Variants in CDH8 observed in about 807,000 individuals in gnomAD.
CDH8 encodes cadherin 8.
CDH8 carries 17 observed loss-of-function variants against 68.1 expected under a neutral mutation model. That is an observed-to-expected ratio of 0.25 (90% CI 0.17 to 0.37). CDH8 has a LOEUF of 0.37. Among genes scored for constraint, CDH8 ranks in the 10% least tolerant of loss-of-function variants. The pLI, the probability that CDH8 is intolerant of heterozygous loss-of-function variation, is 1.00. For missense variants in CDH8, 763 were observed against 999.3 expected (o/e 0.76, Z 3.19); for synonymous variants, 372 against 365.1 (o/e 1.02, Z -0.21).
Position 61,702,385 on chromosome 16 carries a change from A to AAAAAAAG in CDH8, c.1654+11449_1654+11455dup, listed in dbSNP as rs538933369. Among the ~76,000 whole-genome samples the AAAAAAAG allele has an allele frequency of 7.4e-3, 1,121 of 152,030 alleles. 14 individuals carry two copies. The highest frequency in any genetic ancestry group is 0.026 in the African/African-American group (1,071 of 41,438). Reference sequence around the variant, plus strand: ...AGACTCCGTCTCAAAAAAAGAAAAAAAAAAAAGAAAAAAGAAAAATAAGTC... The same window carrying AAAAAAAG: ...AGACTCCGTCTCAAAAAAAGAAAAAAAAAAAAGAAAAAAGAAAAAAGAAAAATAAGTC... On this transcript the variant is annotated intron_variant, in intron 10 of 11. Coordinates refer to ENST00000577390, the MANE Select transcript of CDH8 (RefSeq NM_001796.5).
At chr16:61,933,800 C>T (rs1328762598) in intron 2 of CDH8, among the ~76,000 whole-genome samples, 1 of 152,002 alleles carries the variant, frequency 6.6e-6, no homozygotes, top group Non-Finnish European at 1.5e-5. Context: ...AATTTAAGGT[C>T]TCATATGGTC....
At chr16:61,722,593 C>T (rs1323178489) in intron 9 of CDH8, among the ~76,000 whole-genome samples, 1 of 150,732 alleles carries the variant, frequency 6.6e-6, no homozygotes, top group Non-Finnish European at 1.5e-5. Context: ...GGTTAGCATG[C>T]ATACTGTGTG....
At chr16:61,896,804 G>T (rs2143232713) in intron 3 of CDH8, among the ~76,000 whole-genome samples, 1 of 152,222 alleles carries the variant, frequency 6.6e-6, no homozygotes, top group South Asian at 2.1e-4. Context: ...ACAACCAATT[G>T]TGGAACACTT....
At chr16:61,825,323 G>A in intron 4 of CDH8, 144 bp from the exon 5 acceptor site, 1 of 603,998 alleles carries the variant, frequency 1.7e-6, no homozygotes, top group East Asian at 3.0e-5. Context: ...ACATTTGATT[G>A]GTGTGTGCCT....
At chr16:61,657,922 T>C (rs913501289) in intron 10 of CDH8, among the ~76,000 whole-genome samples, 2 of 152,094 alleles carry the variant, frequency 1.3e-5, no homozygotes, top group African/African-American at 4.8e-5. Flanking sequence ...TTCATACTTC[T>C]ATAAATATTT....
chr16:61,733,870 T>G (rs1393172940), intron 8 of CDH8, among the ~76,000 whole-genome samples: 1 of 152,050 alleles, frequency 6.6e-6, no homozygotes, highest in Admixed American at 6.6e-5. Flanking sequence ...ACCACAGTGA[T>G]CCAGTAAATG....
At chr16:61,792,660 G>C (rs1400046504) in intron 7 of CDH8, among the ~76,000 whole-genome samples, 2 of 152,002 alleles carry the variant, frequency 1.3e-5, no homozygotes, top group African/African-American at 2.4e-5. Flanking sequence ...AGCGGAACCA[G>C]AATGAATACT....
chr16:61,913,324 G>A (rs887529400), intron 2 of CDH8, among the ~76,000 whole-genome samples: 2 of 152,138 alleles, frequency 1.3e-5, no homozygotes, highest in East Asian at 1.9e-4. Context: ...AATTTTGAGA[G>A]ATTACAGATT....
intron 8 of CDH8, among the ~76,000 whole-genome samples, chr16:61,782,218 G>C (rs1313967824): frequency 6.6e-6 from 1 of 152,166 alleles, no homozygotes; most frequent in Non-Finnish European, 1.5e-5. Context: ...GTGGGCGCAG[G>C]CCAGTGGGTG....
At chr16:61,729,796 T>C (rs1255984906) in intron 8 of CDH8, among the ~76,000 whole-genome samples, 1 of 151,380 alleles carries the variant, frequency 6.6e-6, no homozygotes, top group African/African-American at 2.4e-5. Context: ...CAGTGAATAA[T>C]AGGGGCACAG....
chr16:61,825,073 C>T lies in CDH8; in HGVS notation c.774G>A (p.Gly258=). ...TAAGAGTCACTGTAAGTGTCGTGGT[C>T]CCAGACAGGCCACCAGAGTGTCCAC... ...DMGGHSGGLS[G]TTTLTVTLTD... Residue 258 remains glycine, a synonymous_variant, in exon 5 of 12, where the codon GGG becomes GGA. Coordinates refer to ENST00000577390, the MANE Select transcript of CDH8 (RefSeq NM_001796.5). 2 of 1,612,012 alleles carry T rather than the reference C, an allele frequency of 1.2e-6. No homozygotes were observed. The highest frequency in any genetic ancestry group is 1.7e-6 in the Non-Finnish European group (2 of 1,178,740).
At chr16:61,838,347 C>T (rs1416069751) in intron 4 of CDH8, among the ~76,000 whole-genome samples, 1 of 152,078 alleles carries the variant, frequency 6.6e-6, no homozygotes, top group Non-Finnish European at 1.5e-5. Flanking sequence ...CATGTGAATG[C>T]ATGAATGAAC....
intron 3 of CDH8, among the ~76,000 whole-genome samples, chr16:61,893,499 A>T (rs372565033): frequency 6.6e-6 from 1 of 151,902 alleles, no homozygotes; most frequent in Non-Finnish European, 1.5e-5. Context: ...GCTTGGGAAC[A>T]CTGACATCCT....
intron 8 of CDH8, among the ~76,000 whole-genome samples, chr16:61,787,475 A>G (rs1485122392): frequency 1.4e-5 from 2 of 139,716 alleles, no homozygotes; most frequent in Admixed American, 7.2e-5. Flanking sequence ...AAATAGGAAC[A>G]CTTTTACACT....
At chr16:61,696,049 A>T (rs1029893099) in intron 10 of CDH8, among the ~76,000 whole-genome samples, 1 of 152,206 alleles carries the variant, frequency 6.6e-6, no homozygotes, top group African/African-American at 2.4e-5. Context: ...TCTCACAATG[A>T]CATATTGCAA....
chr16:61,655,153 G>C (rs1222760376), intron 11 of CDH8, among the ~76,000 whole-genome samples: 1 of 152,152 alleles, frequency 6.6e-6, no homozygotes, highest in Non-Finnish European at 1.5e-5. Context: ...CTCACACCCA[G>C]AGTTCTTCTT....
intron 2 of CDH8, among the ~76,000 whole-genome samples, chr16:62,003,536 T>A (rs931171785): frequency 1.4e-4 from 22 of 152,072 alleles, no homozygotes; most frequent in Admixed American, 6.6e-5. Context: ...CTGACTGTGT[T>A]TTTTTCAGGG....
intron 4 of CDH8, among the ~76,000 whole-genome samples, chr16:61,836,865 C>T (rs764387369): frequency 6.6e-6 from 1 of 151,972 alleles, no homozygotes; most frequent in Non-Finnish European, 1.5e-5. Context: ...AAGTACTGAG[C>T]GGAGTTACAT....
chr16:61,752,354 A>C (rs1032586305), intron 8 of CDH8, among the ~76,000 whole-genome samples: 15 of 152,188 alleles, frequency 9.9e-5, no homozygotes, highest in African/African-American at 3.6e-4. Flanking sequence ...AATTTCTTAC[A>C]TTCAGTAATA....
Sources: gnomAD v4.1 joint callset for allele counts (sites outside exome capture counted in the v4.1 genomes callset) on GRCh38, gnomAD v4.1.1 for gene constraint, MANE v1.5 for transcripts, NCBI Gene and HGNC (gene_info 2026-07-23, HGNC 2026-07-21) for gene names.